Variants in SPEF2 observed in about 807,000 individuals in gnomAD.
The protein encoded by SPEF2 is sperm flagellar and cilia associated 2.
Under a neutral mutation model 224.6 loss-of-function variants are expected in SPEF2, and 187 were observed. The observed-to-expected ratio is 0.83, with a 90% CI of 0.74 to 0.94. The LOEUF (loss-of-function observed/expected upper bound fraction) is 0.94, where lower values mean the gene tolerates loss of function less well. Among genes scored for constraint, SPEF2 ranks in the 40% least tolerant of loss-of-function variants. SPEF2 has a pLI of 0.00. For synonymous variants in SPEF2, 715 were observed against 707.3 expected (o/e 1.01, Z -0.17); for missense variants, 2,170 against 2,135.6 (o/e 1.02, Z -0.32).
intron 7 of SPEF2, among the ~76,000 whole-genome samples, chr5:35,657,130 T>A (rs1358207992): frequency 6.6e-6 from 1 of 152,218 alleles, no homozygotes. Flanking sequence ...ATGACATAAA[T>A]CCCACATCAG....
At position 35,665,181 on chromosome 5, in the gene SPEF2, C is replaced by G. The variant is rs962468310; in HGVS notation, c.1168-1891C>G. ...TCAGGAAATTGAAGACTAGAAGGCT[C>G]AAAGTCACACAGCTTCTCAGTGGTG... On this transcript the variant is annotated intron_variant, in intron 8 of 36. Coordinates refer to ENST00000356031, the MANE Select transcript of SPEF2 (RefSeq NM_024867.4). Among the ~76,000 whole-genome samples, 11 of 152,042 alleles carry G rather than the reference C, an allele frequency of 7.2e-5. 1 individual carries two copies. Among genetic ancestry groups the G allele is most frequent in the Admixed American group, 6.6e-4 (10 of 15,236 alleles).
At chr5:35,775,461 A>T (rs997948599) in intron 28 of SPEF2, among the ~76,000 whole-genome samples, 1 of 152,042 alleles carries the variant, frequency 6.6e-6, no homozygotes, top group Admixed American at 6.6e-5. Flanking sequence ...GCTTGTGAGT[A>T]GCTTAGGACC....
intron 30 of SPEF2, among the ~76,000 whole-genome samples, chr5:35,785,746 A>T (rs1414679545): frequency 5.3e-5 from 8 of 150,782 alleles, no homozygotes; most frequent in African/African-American, 1.9e-4. Context: ...TTTTTGTAGA[A>T]ATGAGGTTTC....
chr5:35,704,436 G>A, intron 16 of SPEF2, 118 bp from the exon 17 acceptor site: 2 of 578,852 alleles, frequency 3.5e-6, no homozygotes, highest in Non-Finnish European at 6.1e-6. Flanking sequence ...ATATTTTTAA[G>A]TAACACTGGA....
At chr5:35,708,636 C>CACCATCATCACCTGTA (rs1740392145) in intron 18 of SPEF2, among the ~76,000 whole-genome samples, 2 of 1,892 alleles carry the variant, frequency 1.1e-3, no homozygotes, top group East Asian at 0.015. Flanking sequence ...CCACCATCAC[C>CACCATCATCACCTGTA]TCTACCAGCA....
chr5:35,628,371 A>C lies in SPEF2; in HGVS notation c.59-89A>C, dbSNP rs1580018418. On this transcript the variant is annotated intron_variant, in intron 1 of 36. Coordinates refer to ENST00000356031, the MANE Select transcript of SPEF2 (RefSeq NM_024867.4). ...ATTTTGAGTTCCAGTTAAATTGTGTAGTTTTTAGTGTATGTATATTTAAAG... is the reference window on the plus strand; with the variant it reads ...ATTTTGAGTTCCAGTTAAATTGTGTCGTTTTTAGTGTATGTATATTTAAAG... 1.4e-5 allele frequency: 10 copies of C among 715,406 alleles called. No homozygotes were observed. The East Asian group carries it at 2.8e-4, about 20-fold the overall frequency. The allele number at this position is 715,406 out of a possible 1,614,324, so 44.3% of individuals were successfully genotyped here.
intron 26 of SPEF2, among the ~76,000 whole-genome samples, chr5:35,765,468 C>A (rs1580648335): frequency 1.3e-5 from 2 of 152,254 alleles, no homozygotes; most frequent in Middle Eastern, 3.4e-3. Flanking sequence ...TGTGTGCTAT[C>A]TTCAAAGCTA....
Position 35,771,740 on chromosome 5 carries a change from A to C in SPEF2, c.3933A>C (p.Glu1311Asp), listed in dbSNP as rs898486835. 11 of 1,591,298 alleles carry C rather than the reference A, an allele frequency of 6.9e-6. No homozygotes were observed. Among genetic ancestry groups the C allele is most frequent in the Non-Finnish European group, 9.4e-6 (11 of 1,174,476 alleles). Residue 1311 changes from glutamate (E) to aspartate (D), a missense_variant, in exon 27 of 37, where the codon GAA becomes GAC. Glu to Asp is a conservative substitution (Grantham distance 45). Coordinates refer to ENST00000356031, the MANE Select transcript of SPEF2 (RefSeq NM_024867.4). The part of the protein sequence containing the change: ...VKKEPPKKKQ[E>D]DKKPKGKSPP... ...AGGAGCCACCCAAGAAAAAACAGGA[A>C]GACAAAAAACCCAAAGGTATTTATG...
intron 21 of SPEF2, among the ~76,000 whole-genome samples, chr5:35,737,000 G>A (rs1177282841): frequency 6.6e-6 from 1 of 152,020 alleles, no homozygotes; most frequent in Non-Finnish European, 1.5e-5. Context: ...TCCACCTCTT[G>A]GTAGCCATTG....
At chr5:35,739,429 C>G (rs938271465) in intron 21 of SPEF2, among the ~76,000 whole-genome samples, 3 of 152,188 alleles carry the variant, frequency 2.0e-5, no homozygotes, top group Admixed American at 6.5e-5. Flanking sequence ...GTTGCCCAGG[C>G]TGGAGTGCAA....
intron 10 of SPEF2, among the ~76,000 whole-genome samples, chr5:35,690,772 C>G (rs1754336251): frequency 6.6e-6 from 1 of 152,054 alleles, no homozygotes. Context: ...AATGTTCAAC[C>G]TAGATTACAA....
chr5:35,727,606 G>A (rs1744884859), intron 20 of SPEF2, 69 bp from the exon 21 acceptor site: 1 of 1,318,828 alleles, frequency 7.6e-7, no homozygotes, highest in African/African-American at 1.5e-5. Context: ...AATTATAGAT[G>A]TATTCATCTA....
At chr5:35,707,195 G>C (rs1439024945) in intron 18 of SPEF2, among the ~76,000 whole-genome samples, 1 of 152,124 alleles carries the variant, frequency 6.6e-6, no homozygotes. Flanking sequence ...TCTATATTCT[G>C]ACCACAATAT....
At chr5:35,763,813 A>C in intron 26 of SPEF2, 111 bp downstream of exon 26, 1 of 1,041,300 alleles carries the variant, frequency 9.6e-7, no homozygotes, top group Non-Finnish European at 1.3e-6. Context: ...CACTGTAGAA[A>C]ATTGTACCTT....
At chr5:35,767,700 A>C (rs1256025345) in intron 26 of SPEF2, among the ~76,000 whole-genome samples, 2 of 152,120 alleles carry the variant, frequency 1.3e-5, no homozygotes, top group Non-Finnish European at 2.9e-5. Context: ...ATATATCTAC[A>C]ACTACATTAA....
At chr5:35,703,565 T>G in intron 16 of SPEF2, among the ~76,000 whole-genome samples, 12 of 148,688 alleles carry the variant, frequency 8.1e-5, no homozygotes, top group South Asian at 2.1e-4. Context: ...GTACCACGAG[T>G]GAAGGGAAGG....
At chr5:35,792,973 C>T (rs986074181) in intron 31 of SPEF2, among the ~76,000 whole-genome samples, 186 bp from the exon 32 acceptor site, 1 of 152,152 alleles carries the variant, frequency 6.6e-6, no homozygotes, top group East Asian at 1.9e-4. Flanking sequence ...AAATGAAACA[C>T]TTTCTAGGTG....
chr5:35,790,126 C>T (rs746612167), intron 30 of SPEF2: 24 of 702,916 alleles, frequency 3.4e-5, no homozygotes, highest in Middle Eastern at 2.3e-4. Flanking sequence ...TTGACCCTTC[C>T]TGCAAGTTCA....
Position 35,628,451 on chromosome 5 carries a change from G to A in SPEF2, c.59-9G>A. On this transcript the variant is annotated splice_polypyrimidine_tract_variant and intron_variant, in intron 1 of 36. Coordinates refer to ENST00000356031, the MANE Select transcript of SPEF2 (RefSeq NM_024867.4). ...TTCATGGTTTTTATCTCAATGTTTT[G>A]AAACTCAGGTCCCAAGTCATTTGCA... 1 of 1,592,864 alleles carries A rather than the reference G, an allele frequency of 6.3e-7. No homozygotes were observed. The highest frequency in any genetic ancestry group is 8.6e-7 in the Non-Finnish European group (1 of 1,161,242).
Sources: allele counts gnomAD v4.1 joint callset (sites outside exome capture counted in the v4.1 genomes callset), GRCh38; gene constraint gnomAD v4.1.1; transcripts MANE v1.5; gene names NCBI Gene and HGNC (gene_info 2026-07-23, HGNC 2026-07-21).